Variants in SLC41A3 observed in about 807,000 individuals in gnomAD.
SLC41A3 encodes SLC41A1-like 2.
SLC41A3 carries 44 observed loss-of-function variants against 45.4 expected under a neutral mutation model. The observed-to-expected ratio is 0.97, with a 90% CI of 0.76 to 1.25. The LOEUF is 1.25. Among genes scored for constraint, SLC41A3 ranks in the 50% most tolerant of loss-of-function variants. The pLI is 0.00. For missense variants in SLC41A3, 550 were observed against 600.6 expected (o/e 0.92, Z 0.88); for synonymous variants, 256 against 252.4 (o/e 1.01, Z -0.13).
chr3:126,032,876 G>C (rs1029442706), intron 4 of SLC41A3, among the ~76,000 whole-genome samples: 2 of 152,162 alleles, frequency 1.3e-5, no homozygotes, highest in African/African-American at 4.8e-5. Flanking sequence ...TGCTGTCACA[G>C]ACCACCCCAA....
intron 4 of SLC41A3, among the ~76,000 whole-genome samples, chr3:126,028,892 A>G (rs914405227): frequency 1.3e-5 from 2 of 152,222 alleles, no homozygotes; most frequent in African/African-American, 2.4e-5. Context: ...TGACTGCCCC[A>G]CTAAGTTTCA....
intron 2 of SLC41A3, among the ~76,000 whole-genome samples, chr3:126,054,061 C>T (rs1943508188): frequency 1.3e-5 from 2 of 152,192 alleles, no homozygotes; most frequent in South Asian, 2.1e-4. Context: ...CCCTGCTCCT[C>T]CGGCCTCACC....
At chr3:126,023,327 T>A (rs1262236993) in intron 5 of SLC41A3, 3 of 164,606 alleles carry the variant, frequency 1.8e-5, no homozygotes, top group African/African-American at 7.2e-5. Context: ...GCTCATGGCC[T>A]CCTGTGTTTA....
At chr3:126,059,286 G>GA (rs1179797213) in intron 2 of SLC41A3, among the ~76,000 whole-genome samples, 14 of 137,390 alleles carry the variant, frequency 1.0e-4, no homozygotes, top group Non-Finnish European at 1.9e-4. Flanking sequence ...AAGAAAGAAA[G>GA]AAAGAAAGAA....
intron 9 of SLC41A3, among the ~76,000 whole-genome samples, chr3:126,011,526 A>G (rs1230857006): frequency 6.6e-6 from 1 of 152,234 alleles, no homozygotes; most frequent in East Asian, 1.9e-4. Flanking sequence ...TGCAGCTGAA[A>G]AAGTGATGGC....
In SLC41A3 at chr3:126,026,881, C is replaced by T. The variant is rs1443398059; in HGVS notation, c.454-402G>A. ...ACTTGCCATGTGGTGTACCCCACGA[C>T]ACAGAGCAGTCACACGGGAGGACTT... On this transcript the variant is annotated intron_variant, in intron 4 of 10. Transcript: ENST00000360370. The surrounding 1 kb of genome is among the most constrained non-coding windows in gnomAD (Gnocchi z 4.2). Among the ~76,000 whole-genome samples the T allele has an allele frequency of 1.3e-5, 2 of 152,182 alleles. No homozygotes were observed. The highest frequency in any genetic ancestry group is 4.8e-5 in the African/African-American group (2 of 41,440).
chr3:126,052,395 C>G (rs1943390857), intron 2 of SLC41A3, among the ~76,000 whole-genome samples: 1 of 152,138 alleles, frequency 6.6e-6, no homozygotes, highest in Admixed American at 6.5e-5. Context: ...GCCCAGCGTG[C>G]TCATGGGCAC....
intron 3 of SLC41A3, among the ~76,000 whole-genome samples, chr3:126,034,151 TCCTCTAC>T (rs1237923886): frequency 1.3e-5 from 2 of 152,104 alleles, no homozygotes; most frequent in Non-Finnish European, 2.9e-5. Flanking sequence ...TACAACACCC[TCCTCTAC>T]CCTGAAGCTA....
At chr3:126,067,249 A>C (rs1023382385) in intron 2 of SLC41A3, among the ~76,000 whole-genome samples, 25 of 152,214 alleles carry the variant, frequency 1.6e-4, no homozygotes, top group Non-Finnish European at 2.1e-4. Flanking sequence ...ATTTATGTCA[A>C]GATGATTCAC....
rs532195289 is a variant in SLC41A3 at position 126,032,950 on chromosome 3, T to C, written c.453+657A>G. ...CCTGTCTATGTCCAGGCCCAGCCTC[T>C]CCTCTTGCCTCTGAGCCAATCTTTT... On this transcript the variant is annotated intron_variant, in intron 4 of 10. Transcript: ENST00000360370. Among the ~76,000 whole-genome samples the C allele has an allele frequency of 2.6e-5, 4 of 152,232 alleles. No homozygotes were observed. The East Asian group carries it at 7.7e-4, about 29-fold the overall frequency.
intron 2 of SLC41A3, among the ~76,000 whole-genome samples, chr3:126,067,047 T>G (rs998771520): frequency 4.0e-5 from 6 of 151,382 alleles, no homozygotes; most frequent in East Asian, 1.9e-4. Flanking sequence ...TGTGTGTCAA[T>G]GTACATGTCT....
rs1360305332 is a variant in SLC41A3, at chr3:126,006,524, CCTT to C, written c.*489_*491del. 3.1e-6 allele frequency: 5 copies of C among 1,612,876 alleles called. No homozygotes were observed. The highest frequency in any genetic ancestry group is 1.1e-5 in the South Asian group (1 of 90,680). ...GGCCCCATCCTGGGGAGGCTGTACA[CCTT>C]CTTGGCACAGCAGCAGTGTGGCCCA... On this transcript the variant is annotated 3_prime_UTR_variant, in exon 11 of 11. Coordinates refer to ENST00000360370, the MANE Select transcript of SLC41A3 (RefSeq NM_017836.4).
At chr3:126,054,259 A>T (rs1245626719) in intron 2 of SLC41A3, among the ~76,000 whole-genome samples, 13 of 152,156 alleles carry the variant, frequency 8.5e-5, no homozygotes, top group African/African-American at 1.2e-4. Context: ...ACAGCACTGG[A>T]GTCAGAGGTG....
At chr3:126,067,024 ATATCTG>A (rs1944378178) in intron 2 of SLC41A3, among the ~76,000 whole-genome samples, 1 of 131,672 alleles carries the variant, frequency 7.6e-6, no homozygotes, top group South Asian at 2.5e-4. Context: ...GACAGGCAAA[ATATCTG>A]TGTCAATGTG....
At chr3:126,089,431 T>TA (rs1373588025) in intron 1 of SLC41A3, among the ~76,000 whole-genome samples, 2 of 152,224 alleles carry the variant, frequency 1.3e-5, no homozygotes, top group Non-Finnish European at 2.9e-5. Context: ...ACCTTTTACC[T>TA]AAATGTCTTA....
intron 2 of SLC41A3, among the ~76,000 whole-genome samples, 179 bp from the exon 3 acceptor site, chr3:126,051,229 T>C (rs571891758): frequency 6.6e-6 from 1 of 152,384 alleles, no homozygotes; most frequent in South Asian, 2.1e-4. Flanking sequence ...GAAAACCTTT[T>C]AGTGCTGTTA....
intron 3 of SLC41A3, among the ~76,000 whole-genome samples, chr3:126,036,425 C>T (rs1310775834): frequency 1.3e-5 from 2 of 152,180 alleles, no homozygotes; most frequent in Non-Finnish European, 2.9e-5. Context: ...TGCACCCTTC[C>T]TATGGGGCAG....
intron 1 of SLC41A3, among the ~76,000 whole-genome samples, chr3:126,100,606 CATTAT>C (rs932873415): frequency 3.3e-5 from 5 of 152,150 alleles, no homozygotes; most frequent in Admixed American, 1.3e-4. Flanking sequence ...AGACGGCAGT[CATTAT>C]ATTATAAAAC....
chr3:126,024,983 C>T (rs887589608), intron 5 of SLC41A3: 2 of 152,232 alleles, frequency 1.3e-5, no homozygotes, highest in African/African-American at 4.8e-5. Flanking sequence ...AGGACACTAA[C>T]GTAAAGCATG....
Sources: allele counts gnomAD v4.1 joint callset (sites outside exome capture counted in the v4.1 genomes callset), GRCh38; gene constraint gnomAD v4.1.1; non-coding constraint Gnocchi (gnomAD v3.1); transcripts MANE v1.5; gene names NCBI Gene and HGNC (gene_info 2026-07-23, HGNC 2026-07-21).